The following SCN2A variants were observed in gnomAD, a reference collection of about 807,000 sequenced individuals.
SCN2A encodes the protein sodium channel protein type 2 subunit alpha.
SCN2A carries 20 observed loss-of-function variants against 188.7 expected under a neutral mutation model. That is an observed-to-expected ratio of 0.11 (90% CI 0.07 to 0.15). The LOEUF (loss-of-function observed/expected upper bound fraction) is 0.15. Ranked by LOEUF, SCN2A falls within the 10% of genes least tolerant of loss-of-function variation. The probability of loss-of-function intolerance (pLI) is 1.00; values close to 1 mark genes in which losing one functional copy is unlikely to be tolerated. For synonymous variants in SCN2A, 804 were observed against 833.1 expected (o/e 0.97, Z 0.60); for missense variants, 1,278 against 2,445.0 (o/e 0.52, Z 10.07).
chr2:165,328,640 T>C (rs1358929247), intron 13 of SCN2A: 19 of 327,150 alleles, frequency 5.8e-5, no homozygotes, highest in Non-Finnish European at 8.3e-5. Flanking sequence ...AAGATTGGAC[T>C]TGCCAACTAA....
At chr2:165,366,905 A>C (rs1212522378) in intron 18 of SCN2A, among the ~76,000 whole-genome samples, 1 of 152,168 alleles carries the variant, frequency 6.6e-6, no homozygotes, top group Non-Finnish European at 1.5e-5. Context: ...TCATAGGATA[A>C]GGACAGGATG....
At chr2:165,359,292 C>T (rs1700333297) in intron 17 of SCN2A, among the ~76,000 whole-genome samples, 1 of 152,046 alleles carries the variant, frequency 6.6e-6, no homozygotes, top group Non-Finnish European at 1.5e-5. Flanking sequence ...TGTATTAATT[C>T]TTCAGAAAAG....
Position 165,312,134 on chromosome 2 carries a change from G to T in SCN2A, c.1034+46G>T, listed in dbSNP as rs774950838. 5 of 1,447,658 alleles carry T rather than the reference G, an allele frequency of 3.5e-6. No individual in the cohort carries two copies. The Admixed American group carries it at 6.7e-5, about 19-fold the overall frequency. 89.7% of individuals were successfully genotyped at this position (1,447,658 alleles called of 1,614,324 possible). A position where few individuals can be genotyped will look rare whatever the true frequency, so the allele number is the denominator to read the frequency against. ...AGTTTCAGTCCACACTGCTCCATCAGTGTCAATAACCTGCCACCTCCCACT... is the reference window on the plus strand; with the variant it reads ...AGTTTCAGTCCACACTGCTCCATCATTGTCAATAACCTGCCACCTCCCACT... On this transcript the variant is annotated intron_variant, in intron 8 of 26. Coordinates refer to ENST00000375437, the MANE Select transcript of SCN2A (RefSeq NM_001040142.2).
At chr2:165,358,329 A>G (rs1472452472) in intron 17 of SCN2A, among the ~76,000 whole-genome samples, 3 of 152,128 alleles carry the variant, frequency 2.0e-5, no homozygotes, top group African/African-American at 7.2e-5. Context: ...AATTAAAGCA[A>G]TCCCTTATTC....
intron 11 of SCN2A, among the ~76,000 whole-genome samples, chr2:165,317,575 C>T (rs538567153): frequency 6.6e-6 from 1 of 152,180 alleles, no homozygotes; most frequent in African/African-American, 2.4e-5. Context: ...CTTCAATTTG[C>T]CTTATTTCTA....
At chr2:165,263,597 G>C (rs1694703524) in intron 1 of SCN2A, among the ~76,000 whole-genome samples, 1 of 152,018 alleles carries the variant, frequency 6.6e-6, no homozygotes. Context: ...TTTTATGCCA[G>C]TACCTGCTGT....
chr2:165,316,435 T>G (rs1050527488), intron 11 of SCN2A, among the ~76,000 whole-genome samples: 1 of 152,202 alleles, frequency 6.6e-6, no homozygotes, highest in Admixed American at 6.5e-5. Flanking sequence ...TCATGCAAGT[T>G]GTTGAAATTT....
In SCN2A at chr2:165,313,823, G is replaced by A. The variant is rs563303301; in HGVS notation, c.1176+62G>A. The A allele has an allele frequency of 3.6e-5, 58 of 1,611,688 alleles. No homozygotes were observed. The East Asian group carries it at 1.1e-3, about 30-fold the overall frequency. ...AAACACCGAACTCAAGAGAATTGCTGTAGAATATTTTATTACTTAGAGTGT... is the reference window on the plus strand; with the variant it reads ...AAACACCGAACTCAAGAGAATTGCTATAGAATATTTTATTACTTAGAGTGT... On this transcript the variant is annotated intron_variant, in intron 9 of 26. Coordinates refer to ENST00000375437, the MANE Select transcript of SCN2A (RefSeq NM_001040142.2).
At chr2:165,334,040 G>A (rs1019341854) in intron 14 of SCN2A, among the ~76,000 whole-genome samples, 20 of 149,514 alleles carry the variant, frequency 1.3e-4, no homozygotes, top group Non-Finnish European at 7.4e-5. Context: ...TTCCTAGGGA[G>A]TAACAAGCGC....
intron 23 of SCN2A, among the ~76,000 whole-genome samples, chr2:165,378,087 G>T (rs1385194379): frequency 3.3e-5 from 5 of 151,352 alleles, no homozygotes; most frequent in Non-Finnish European, 7.4e-5. Flanking sequence ...GTTTCTCTTG[G>T]GAAAGTGAGA....
Position 165,314,103 on chromosome 2 carries a change from G to A in SCN2A, c.1378G>A (p.Ala460Thr). 6.2e-7 allele frequency: 1 copy of A among 1,613,184 alleles called. No individual in the cohort carries two copies. The highest frequency in any genetic ancestry group is 8.5e-7 in the Non-Finnish European group (1 of 1,179,448). Residue 460 changes from alanine to threonine, a missense_variant, in exon 10 of 27, where the codon GCT (alanine) becomes ACT (threonine). Transcript: ENST00000375437. The part of the protein sequence containing the change: ...LEQLKKQQEE[A>T]QAAAAAASAE... ...ACAGTTGAAAAAGCAACAAGAAGAA[G>A]CTCAGGTATAGTGAACAAGCATACG... is the stretch of plus-strand genomic sequence containing the variant.
Position 165,330,049 on chromosome 2 carries a change from A to G in SCN2A, c.2150-1281A>G, listed in dbSNP as rs148543539. Among the ~76,000 whole-genome samples, 17 of 152,318 alleles carry G rather than the reference A, an allele frequency of 1.1e-4. No individual in the cohort carries two copies. In the East Asian group the frequency reaches 3.3e-3, roughly 29 times the overall value. ...TTAGTGGCAAATGTTGATTAGTAGA[A>G]GAAACATTATCATCTGTGGTTGTGA... On this transcript the variant is annotated intron_variant, in intron 13 of 26. Transcript: ENST00000375437.
intron 7 of SCN2A, 184 bp downstream of exon 7, chr2:165,310,779 T>G: frequency 2.7e-6 from 1 of 376,744 alleles, no homozygotes; most frequent in East Asian, 4.4e-5. Flanking sequence ...TCCATTGATA[T>G]AGTAAAAGTT....
At chr2:165,308,851 T>A (rs1697279108) in intron 5 of SCN2A, 57 bp downstream of exon 5, 2 of 1,603,650 alleles carry the variant, frequency 1.2e-6, no homozygotes, top group Non-Finnish European at 1.7e-6. Flanking sequence ...TGGGAGCCTA[T>A]ACTATATTTT....
chr2:165,274,615 C>T, intron 1 of SCN2A, among the ~76,000 whole-genome samples: 1 of 152,150 alleles, frequency 6.6e-6, no homozygotes, highest in Non-Finnish European at 1.5e-5. Flanking sequence ...GCTACTATTG[C>T]CTAGTTTAAA....
intron 1 of SCN2A, chr2:165,273,874 G>A (rs1288390273): frequency 6.6e-6 from 1 of 152,112 alleles, no homozygotes; most frequent in Non-Finnish European, 1.5e-5. Context: ...CTTTACTGGG[G>A]GAGACGGTAA....
chr2:165,388,522 T>G, intron 26 of SCN2A, 107 bp from the exon 27 acceptor site: 1 of 1,451,140 alleles, frequency 6.9e-7, no homozygotes, highest in South Asian at 1.2e-5. Flanking sequence ...TATATACATG[T>G]ACCTAACTGT....
chr2:165,278,520 C>T (rs1039331835), intron 1 of SCN2A, among the ~76,000 whole-genome samples: 2 of 152,166 alleles, frequency 1.3e-5, no homozygotes, highest in Non-Finnish European at 2.9e-5. Flanking sequence ...CCCCATGGTT[C>T]AATTACCTCC....
intron 3 of SCN2A, among the ~76,000 whole-genome samples, chr2:165,298,359 T>C (rs1696618370): frequency 6.6e-6 from 1 of 152,190 alleles, no homozygotes; most frequent in African/African-American, 2.4e-5. Context: ...ATGTCATTTC[T>C]GGGTGGAGGG....
Sources: gnomAD v4.1 joint callset for allele counts (sites outside exome capture counted in the v4.1 genomes callset) on GRCh38, gnomAD v4.1.1 for gene constraint, MANE v1.5 for transcripts, NCBI Gene and HGNC (gene_info 2026-07-23, HGNC 2026-07-21) for gene names.